The following CNTNAP4 variants were observed in gnomAD, a reference collection of about 807,000 sequenced individuals.
CNTNAP4 encodes contactin-associated protein-like 4.
In CNTNAP4, 98 loss-of-function variants were observed where a neutral mutation model predicts 148.4. The ratio of observed to expected loss-of-function variants is 0.66; its 90% CI spans 0.56 to 0.78. The LOEUF (loss-of-function observed/expected upper bound fraction) is 0.78, where lower values mean the gene tolerates loss of function less well. Ranked by LOEUF, CNTNAP4 falls within the 30% of genes least tolerant of loss-of-function variation. The pLI is 0.00. For missense variants in CNTNAP4, 1,935 were observed against 1,565.6 expected, an observed-to-expected ratio of 1.24 and a Z score of -3.98; for synonymous variants, 730 against 565.1, an observed-to-expected ratio of 1.29 and a Z score of -4.14.
chr16:76,347,499 C>T (rs186586460), intron 2 of CNTNAP4, among the ~76,000 whole-genome samples: 283 of 143,908 alleles, frequency 2.0e-3, no homozygotes, highest in African/African-American at 6.4e-3. Flanking sequence ...AAATCATATG[C>T]TATATAAAAA....
intron 1 of CNTNAP4, among the ~76,000 whole-genome samples, chr16:76,284,741 T>C (rs1296332836): frequency 2.0e-5 from 3 of 152,040 alleles, no homozygotes; most frequent in African/African-American, 4.8e-5. Context: ...TGTCTGTGTA[T>C]TGCAATTAAA....
At chr16:76,548,636 C>G (rs991753872) in intron 21 of CNTNAP4, among the ~76,000 whole-genome samples, 10 of 151,900 alleles carry the variant, frequency 6.6e-5, no homozygotes, top group Non-Finnish European at 1.5e-4. Flanking sequence ...GGAAATTGCA[C>G]TTGAGGGTTA....
intron 4 of CNTNAP4, among the ~76,000 whole-genome samples, chr16:76,447,177 G>T (rs1252413688): frequency 6.6e-6 from 1 of 151,920 alleles, no homozygotes; most frequent in African/African-American, 2.4e-5. Flanking sequence ...GAGCATGGTA[G>T]TGCACCCTTG....
chr16:76,390,936 C>T (rs896643834), intron 3 of CNTNAP4, among the ~76,000 whole-genome samples: 1 of 151,978 alleles, frequency 6.6e-6, no homozygotes, highest in Non-Finnish European at 1.5e-5. Flanking sequence ...TTGATATGGG[C>T]ATGCAATGGG....
chr16:76,288,606 C>G (rs1958985198), intron 1 of CNTNAP4, among the ~76,000 whole-genome samples: 2 of 152,090 alleles, frequency 1.3e-5, no homozygotes, highest in African/African-American at 4.8e-5. Context: ...TTATTCCTGC[C>G]CTGATCATAG....
intron 17 of CNTNAP4, among the ~76,000 whole-genome samples, chr16:76,522,951 A>G (rs1391419864): frequency 6.6e-6 from 1 of 151,092 alleles, no homozygotes; most frequent in African/African-American, 2.4e-5. Flanking sequence ...TTTTAGTAGA[A>G]ATGGGGTTTT....
intron 3 of CNTNAP4, among the ~76,000 whole-genome samples, chr16:76,406,761 A>G (rs1047050536): frequency 4.0e-4 from 61 of 152,282 alleles, no homozygotes; most frequent in Middle Eastern, 6.8e-3. Flanking sequence ...TTTCAATTCT[A>G]TGAAGGCTGA....
At chr16:76,475,608 A>G (rs73621041) in intron 10 of CNTNAP4, among the ~76,000 whole-genome samples, 5,267 of 152,234 alleles carry the variant, frequency 0.035, 260 homozygotes, top group African/African-American at 0.12. Flanking sequence ...GTAGCAATTC[A>G]ATGTGATAAA....
At chr16:76,473,884 G>A (rs931252941) in intron 10 of CNTNAP4, among the ~76,000 whole-genome samples, 1 of 148,970 alleles carries the variant, frequency 6.7e-6, no homozygotes, top group Non-Finnish European at 1.5e-5. Flanking sequence ...TTTTAATCTG[G>A]GATGAATGAG....
At chr16:76,520,700 G>T (rs1417860946) in intron 15 of CNTNAP4, among the ~76,000 whole-genome samples, 3 of 152,100 alleles carry the variant, frequency 2.0e-5, no homozygotes, top group Non-Finnish European at 1.5e-5. Context: ...AAGTGTGTGT[G>T]TTAGAAGTGT....
chr16:76,371,868 T>G (rs1051153651), intron 3 of CNTNAP4, among the ~76,000 whole-genome samples: 6 of 152,120 alleles, frequency 3.9e-5, no homozygotes, highest in African/African-American at 1.4e-4. Context: ...CAAGCTTTAG[T>G]TCATCCCTTT....
chr16:76,392,518 A>C (rs2078061308), intron 3 of CNTNAP4, among the ~76,000 whole-genome samples: 1 of 152,198 alleles, frequency 6.6e-6, no homozygotes, highest in Non-Finnish European at 1.5e-5. Context: ...TTTTTCAAGA[A>C]GACAATGTAA....
intron 17 of CNTNAP4, among the ~76,000 whole-genome samples, chr16:76,532,572 T>C (rs1038049417): frequency 6.6e-6 from 1 of 152,222 alleles, no homozygotes; most frequent in African/African-American, 2.4e-5. Context: ...CAATGTGATT[T>C]AATGTTACTG....
chr16:76,446,893 C>A (rs552036339), intron 4 of CNTNAP4, among the ~76,000 whole-genome samples: 239 of 152,170 alleles, frequency 1.6e-3, no homozygotes, highest in African/African-American at 5.3e-3. Flanking sequence ...GCCAAAAAAG[C>A]ATTTAACTTT....
intron 3 of CNTNAP4, among the ~76,000 whole-genome samples, chr16:76,401,968 A>G (rs992206235): frequency 6.6e-6 from 1 of 152,134 alleles, no homozygotes; most frequent in East Asian, 1.9e-4. Flanking sequence ...GGATTTTTGT[A>G]TCAGTGTTCA....
intron 2 of CNTNAP4, among the ~76,000 whole-genome samples, chr16:76,351,525 G>A (rs562004871): frequency 2.0e-5 from 3 of 152,256 alleles, no homozygotes; most frequent in East Asian, 3.9e-4. Context: ...GCAGAGCTGC[G>A]CAGCTTAAAA....
intron 3 of CNTNAP4, among the ~76,000 whole-genome samples, chr16:76,414,993 G>T (rs1053182260): frequency 2.0e-5 from 3 of 150,204 alleles, no homozygotes; most frequent in African/African-American, 7.3e-5. Context: ...TTTTTCATAT[G>T]TATTTTAATC....
intron 3 of CNTNAP4, among the ~76,000 whole-genome samples, chr16:76,365,521 C>T (rs868414539): frequency 6.6e-5 from 10 of 151,996 alleles, no homozygotes; most frequent in Admixed American, 1.3e-4. Context: ...GAGGCCAAGG[C>T]GGGTGGATCA....
At chr16:76,446,469 CA>C (rs1257868388) in intron 4 of CNTNAP4, among the ~76,000 whole-genome samples, 3 of 152,048 alleles carry the variant, frequency 2.0e-5, no homozygotes, top group Non-Finnish European at 2.9e-5. Context: ...GTCTCTTGTT[CA>C]GGTGCAACTG....
Sources: allele counts gnomAD v4.1 joint callset (sites outside exome capture counted in the v4.1 genomes callset), GRCh38; gene constraint gnomAD v4.1.1; transcripts MANE v1.5; gene names NCBI Gene and HGNC (gene_info 2026-07-23, HGNC 2026-07-21).